CCDC110: variants seen among roughly 807,000 people sequenced by gnomAD.
CCDC110 encodes coiled-coil domain-containing protein 110.
A neutral mutation model predicts 77.1 loss-of-function variants in CCDC110; 70 were observed. The observed-to-expected ratio is 0.91, with a 90% CI of 0.75 to 1.11. The LOEUF (loss-of-function observed/expected upper bound fraction) is 1.11, where lower values mean the gene tolerates loss of function less well. CCDC110 is among the 50% of genes least tolerant of loss of function. The pLI is 0.00. For synonymous variants in CCDC110, 295 were observed against 312.5 expected (o/e 0.94, Z 0.59); for missense variants, 868 against 942.9 (o/e 0.92, Z 1.04).
At position 185,462,666 on chromosome 4, in the gene CCDC110, G is replaced by C. The variant is rs138066786; in HGVS notation, c.214C>G (p.Gln72Glu). 2.4e-4 allele frequency: 394 copies of C among 1,613,536 alleles called. No individual in the cohort carries two copies. The highest frequency in any genetic ancestry group is 3.2e-4 in the Non-Finnish European group (382 of 1,179,560). The change falls in exon 4 of 7, where the codon CAG becomes GAG. Residue 72 changes from glutamine to glutamate, a missense_variant. Coordinates refer to ENST00000307588, the MANE Select transcript of CCDC110 (RefSeq NM_152775.4). ...QLESFQALRMQTLQNVSMVQS... is the reference protein window; with the variant it reads ...QLESFQALRMETLQNVSMVQS... ...ACCATGCTGACATTCTGCAAAGTCT[G>C]CATTCGCAAAGCCTGAAATGATTCC...
Position 185,458,153 on chromosome 4 carries a change from T to C in CCDC110, c.2434A>G (p.Ser812Gly). 1 of 1,579,628 alleles carries C rather than the reference T, an allele frequency of 6.3e-7. No individual in the cohort carries two copies. The highest frequency in any genetic ancestry group is 8.5e-7 in the Non-Finnish European group (1 of 1,169,782). ...YTHEDTSSPQ[S>G]RPLASDLKGY... ...TTCAAATCCGAAGCCAAAGGCCTAC[T>C]CTGAGGACTAGAAGTATCTTCGTGA... Residue 812 changes from serine (S) to glycine (G), a missense_variant, in exon 6 of 7, where the codon AGT (serine) becomes GGT (glycine). Coordinates refer to ENST00000307588, the MANE Select transcript of CCDC110 (RefSeq NM_152775.4).
At chr4:185,454,365 A>G (rs1561154678) in intron 6 of CCDC110, among the ~76,000 whole-genome samples, 1 of 152,228 alleles carries the variant, frequency 6.6e-6, no homozygotes, top group South Asian at 2.1e-4. Context: ...AATATTATAT[A>G]TATTTCCAAA....
intron 6 of CCDC110, among the ~76,000 whole-genome samples, chr4:185,454,440 G>A (rs750590917): frequency 4.6e-5 from 7 of 152,030 alleles, no homozygotes; most frequent in Non-Finnish European, 5.9e-5. Context: ...ATTGTCGGGC[G>A]TGGTGGCTCA....
chr4:185,449,676 A>G, intron 6 of CCDC110: 1 of 1,414,624 alleles, frequency 7.1e-7, no homozygotes, highest in Non-Finnish European at 9.7e-7. Context: ...TCTAGATCTT[A>G]ACTATGAGTA....
chr4:185,471,660 C>T lies in CCDC110; in HGVS notation c.10+14G>A, dbSNP rs763353383. ...CGCGGCTCCCCTAGGAGCCCCGCCC[C>T]GTCCAACTCTTACCCGGGCTCATCG... On this transcript the variant is annotated intron_variant, in intron 1 of 6. Transcript: ENST00000307588. The T allele has an allele frequency of 3.8e-6, 6 of 1,564,138 alleles. No individual in the cohort carries two copies. Among genetic ancestry groups the T allele is most frequent in the Non-Finnish European group, 5.2e-6 (6 of 1,159,246 alleles).
intron 4 of CCDC110, among the ~76,000 whole-genome samples, 154 bp from the exon 5 acceptor site, chr4:185,461,313 T>G (rs2095646034): frequency 6.6e-6 from 1 of 152,186 alleles, no homozygotes; most frequent in East Asian, 1.9e-4. Flanking sequence ...GCTACTTAAT[T>G]TATTGTAATC....
chr4:185,465,846 C>T (rs986813221), intron 2 of CCDC110, among the ~76,000 whole-genome samples: 8 of 151,966 alleles, frequency 5.3e-5, no homozygotes, highest in Non-Finnish European at 1.2e-4. Context: ...CTGGAGGATT[C>T]GTTGGGGCCA....
At chr4:185,448,446 T>C (rs1333696680) in intron 6 of CCDC110, among the ~76,000 whole-genome samples, 1 of 152,210 alleles carries the variant, frequency 6.6e-6, no homozygotes. Flanking sequence ...TGTAGCACTT[T>C]GGTGACAATT....
chr4:185,451,654 A>G (rs1033674138), intron 6 of CCDC110, among the ~76,000 whole-genome samples: 5 of 152,238 alleles, frequency 3.3e-5, no homozygotes, highest in African/African-American at 7.2e-5. Flanking sequence ...TTATATATCA[A>G]TAATGTTACC....
At chr4:185,471,454 C>T (rs2095667570) in intron 1 of CCDC110, 2 of 456,524 alleles carry the variant, frequency 4.4e-6, no homozygotes, top group South Asian at 7.8e-5. Context: ...GCTGGGCGGG[C>T]GGCGGCGGCA....
intron 6 of CCDC110, chr4:185,449,841 T>G: frequency 2.4e-6 from 1 of 422,208 alleles, no homozygotes; most frequent in Non-Finnish European, 4.3e-6. Flanking sequence ...TGGTTGTTGA[T>G]TTATGTTTTT....
intron 4 of CCDC110, among the ~76,000 whole-genome samples, chr4:185,461,659 T>G (rs2095646684): frequency 6.6e-6 from 1 of 152,344 alleles, no homozygotes; most frequent in East Asian, 1.9e-4. Flanking sequence ...GTAGTATTGA[T>G]TCTGCCTCTA....
Position 185,460,228 on chromosome 4 carries a change from T to C in CCDC110, c.359A>G (p.Asn120Ser), listed in dbSNP as rs145135636. ...CTCCATAGAAAGGTTTTCTTCTTGA[T>C]TCTCTGTAGGCTGTAACAATAAGAA... ...TRIEKDLPTE[N>S]QEENLSMEKS... Residue 120 changes from asparagine (N) to serine (S), a missense_variant, in exon 6 of 7, where the codon AAT (asparagine) becomes AGT (serine). Physicochemically the swap from Asn to Ser is conservative, Grantham distance 46. Coordinates refer to ENST00000307588, the MANE Select transcript of CCDC110 (RefSeq NM_152775.4). 353 of 1,600,862 alleles carry C rather than the reference T, an allele frequency of 2.2e-4. 2 individuals are homozygous for C. The African/African-American group carries it at 4.3e-3, about 20-fold the overall frequency.
chr4:185,470,905 T>C (rs1376799423), intron 2 of CCDC110, 40 bp downstream of exon 2: 2 of 1,389,128 alleles, frequency 1.4e-6, no homozygotes, highest in Non-Finnish European at 2.0e-6. Context: ...CTGCCGCCTG[T>C]GTATAGTTAA....
intron 6 of CCDC110, among the ~76,000 whole-genome samples, chr4:185,451,849 C>T (rs1243700861): frequency 6.6e-6 from 1 of 152,140 alleles, no homozygotes; most frequent in Non-Finnish European, 1.5e-5. Context: ...TTTAAGACAA[C>T]ACACTTCATA....
intron 6 of CCDC110, chr4:185,449,451 A>G: frequency 2.0e-6 from 1 of 506,738 alleles, no homozygotes; most frequent in Non-Finnish European, 3.5e-6. Context: ...AAAGCCTAGG[A>G]GGTTGAGGTT....
intron 6 of CCDC110, among the ~76,000 whole-genome samples, chr4:185,454,973 G>A (rs28616141): frequency 0.25 from 38,032 of 151,896 alleles, 5,344 homozygotes; most frequent in East Asian, 0.55. Flanking sequence ...TATAATGTTC[G>A]TACAAGGTGA....
At chr4:185,471,076 C>G in intron 1 of CCDC110, 27 bp from the exon 2 acceptor site, 1 of 1,178,964 alleles carries the variant, frequency 8.5e-7, no homozygotes, top group East Asian at 4.3e-5. Flanking sequence ...CGGGGCTGTT[C>G]TGTCGCGGGT....
intron 6 of CCDC110, among the ~76,000 whole-genome samples, chr4:185,449,237 G>T (rs1355910347): frequency 1.3e-5 from 2 of 152,126 alleles, no homozygotes; most frequent in Non-Finnish European, 2.9e-5. Context: ...AGAATGTACA[G>T]ATAGGCTGGG....
Sources: gnomAD v4.1 joint callset for allele counts (sites outside exome capture counted in the v4.1 genomes callset) on GRCh38, gnomAD v4.1.1 for gene constraint, MANE v1.5 for transcripts, NCBI Gene and HGNC (gene_info 2026-07-23, HGNC 2026-07-21) for gene names.